SEPTIN6: variants seen among roughly 807,000 people sequenced by gnomAD.
SEPTIN6 encodes septin 6.
In SEPTIN6, 8 loss-of-function variants were observed where a neutral mutation model predicts 33.6. The ratio of observed to expected loss-of-function variants is 0.24; its 90% confidence interval spans 0.14 to 0.43. SEPTIN6 has a LOEUF of 0.43. Among genes scored for constraint, SEPTIN6 ranks in the 20% least tolerant of loss-of-function variants. SEPTIN6 has a pLI of 1.00. For missense variants in SEPTIN6, 250 were observed against 340.8 expected, an observed-to-expected ratio of 0.73 and a Z score of 2.10; for synonymous variants, 131 against 140.0, an observed-to-expected ratio of 0.94 and a Z score of 0.45.
At chrX:119,653,267 TTCTC>T (rs1469909704) in intron 3 of SEPTIN6, among the ~76,000 whole-genome samples, 1 of 111,280 alleles carries the variant, frequency 9.0e-6, no homozygotes, top group Non-Finnish European at 1.9e-5. Context: ...GAATGCCCCT[TTCTC>T]TCTCCTCATC....
chrX:119,689,620 G>A (rs763168383), intron 1 of SEPTIN6, among the ~76,000 whole-genome samples: 1 of 111,743 alleles, frequency 8.9e-6, no homozygotes, highest in East Asian at 2.8e-4. Flanking sequence ...GGGACTACAG[G>A]TGCCCGCCAC....
chrX:119,646,387 T>C (rs900352944), intron 5 of SEPTIN6, among the ~76,000 whole-genome samples: 1 of 112,114 alleles, frequency 8.9e-6, no homozygotes, highest in Non-Finnish European at 1.9e-5. Flanking sequence ...GGACAATTAA[T>C]GGAGCTCAGT....
At chrX:119,654,455 G>T (rs1030599951) in intron 3 of SEPTIN6, among the ~76,000 whole-genome samples, 5 of 111,424 alleles carry the variant, frequency 4.5e-5, no homozygotes, top group African/African-American at 6.5e-5. Context: ...CTTGTCATGT[G>T]GGCCCAGGGC....
intron 4 of SEPTIN6, among the ~76,000 whole-genome samples, chrX:119,651,036 G>A (rs948977897): frequency 1.8e-5 from 2 of 109,131 alleles, no homozygotes; most frequent in African/African-American, 6.7e-5. Flanking sequence ...GTGAGACAGA[G>A]CACACTAAGT....
intron 2 of SEPTIN6, among the ~76,000 whole-genome samples, chrX:119,668,865 G>C (rs909949859): frequency 9.0e-6 from 1 of 111,334 alleles, no homozygotes; most frequent in Non-Finnish European, 1.9e-5. Flanking sequence ...TGATTTGTGA[G>C]ATTTTGATGC....
At chrX:119,691,665 C>T (rs1199138455) in intron 1 of SEPTIN6, among the ~76,000 whole-genome samples, 1 of 112,105 alleles carries the variant, frequency 8.9e-6, no homozygotes, top group African/African-American at 3.2e-5. Flanking sequence ...ACAAAAGAGA[C>T]ATTAATACAT....
intron 6 of SEPTIN6, among the ~76,000 whole-genome samples, chrX:119,640,353 T>C (rs2054138538): frequency 9.0e-6 from 1 of 110,931 alleles, no homozygotes; most frequent in Non-Finnish European, 1.9e-5. Flanking sequence ...CTGAATTGTT[T>C]GTAATTATTT....
intron 3 of SEPTIN6, among the ~76,000 whole-genome samples, chrX:119,658,114 G>C (rs1303915399): frequency 7.1e-5 from 8 of 112,020 alleles, no homozygotes; most frequent in African/African-American, 1.6e-4. Context: ...GCAACAGTGC[G>C]AAAGTCCGTC....
At chrX:119,658,695 C>T (rs570104211) in intron 3 of SEPTIN6, among the ~76,000 whole-genome samples, 46 of 112,420 alleles carry the variant, frequency 4.1e-4, no homozygotes, top group African/African-American at 1.3e-3. Flanking sequence ...GGATATTATA[C>T]CATCCTTTTG....
In SEPTIN6 at chrX:119,655,026, C is replaced by T. The variant is rs780131567; in HGVS notation, c.342-1986G>A. Among the ~76,000 whole-genome samples the T allele has an allele frequency of 2.6e-3, 283 of 110,589 alleles. 1 individual carries two copies. The highest frequency in any genetic ancestry group is 8.8e-3 in the African/African-American group (267 of 30,385). ...ACTGCTTCATTTTTTTTCTCAATTA[C>T]GTAATTTTTTTTTACTTCATTTTTT... is the stretch of plus-strand genomic sequence containing the variant. On this transcript the variant is annotated intron_variant, in intron 3 of 10. Coordinates refer to ENST00000394610, the MANE Select transcript of SEPTIN6 (RefSeq NM_145799.4).
At chrX:119,688,413 T>A (rs962471022) in intron 1 of SEPTIN6, among the ~76,000 whole-genome samples, 2 of 111,487 alleles carry the variant, frequency 1.8e-5, no homozygotes, top group African/African-American at 6.5e-5. Flanking sequence ...CGCTTTTTAT[T>A]TTGAAAAATC....
chrX:119,629,221 G>C, intron 9 of SEPTIN6, 97 bp downstream of exon 9: 1 of 865,493 alleles, frequency 1.2e-6, no homozygotes, highest in South Asian at 2.3e-5. Context: ...CTCACCTCTG[G>C]TCACCAGTCC....
intron 1 of SEPTIN6, among the ~76,000 whole-genome samples, chrX:119,692,463 C>T (rs1287971816): frequency 1.8e-5 from 2 of 111,672 alleles, no homozygotes; most frequent in Non-Finnish European, 3.8e-5. Context: ...AGAACCCCGG[C>T]GCCGCCGCCG....
intron 1 of SEPTIN6, 28 bp downstream of exon 1, chrX:119,693,048 G>A: frequency 8.6e-7 from 1 of 1,169,102 alleles, no homozygotes; most frequent in East Asian, 3.2e-5. Flanking sequence ...CCTCGGCCCC[G>A]GCCCTGGCAC....
chrX:119,643,394 G>C (rs1403133220), intron 5 of SEPTIN6, among the ~76,000 whole-genome samples: 1 of 106,966 alleles, frequency 9.3e-6, no homozygotes. Flanking sequence ...CTCTGAGCTC[G>C]AGGAAAAAAA....
chrX:119,633,182 T>C (rs1403389479), intron 8 of SEPTIN6, among the ~76,000 whole-genome samples, 178 bp downstream of exon 8: 1 of 112,066 alleles, frequency 8.9e-6, no homozygotes, highest in African/African-American at 3.2e-5. Flanking sequence ...ATCTATAGGA[T>C]TGCTGGGTCG....
intron 1 of SEPTIN6, among the ~76,000 whole-genome samples, chrX:119,689,728 G>A (rs1046150473): frequency 9.4e-6 from 1 of 106,766 alleles, no homozygotes; most frequent in Non-Finnish European, 1.9e-5. Context: ...CACCCACCTC[G>A]GCCTCTTTTT....
At chrX:119,628,268 A>ACCGCGCCTG (rs1472108086) in intron 9 of SEPTIN6, among the ~76,000 whole-genome samples, 1 of 101,361 alleles carries the variant, frequency 9.9e-6, no homozygotes. Flanking sequence ...GACTACAGGC[A>ACCGCGCCTG]GCTAATTTCT....
chrX:119,619,725 C>T lies in SEPTIN6; in HGVS notation c.*368G>A. ...AAACTAACAGCAACCAGAACTGGAACAGGGGAGCTGGTGGGAAAGAGTAGC... is the reference window on the plus strand; with the variant it reads ...AAACTAACAGCAACCAGAACTGGAATAGGGGAGCTGGTGGGAAAGAGTAGC... On this transcript the variant is annotated 3_prime_UTR_variant, in exon 11 of 11. Transcript: ENST00000394610. 1 of 964,200 alleles carries T rather than the reference C, an allele frequency of 1.0e-6. No homozygotes were observed. Among genetic ancestry groups the T allele is most frequent in the South Asian group, 3.5e-5 (1 of 28,413 alleles). The allele number at this position is 964,200 out of a possible 1,213,427, so 79.5% of individuals were successfully genotyped here. A position where few individuals can be genotyped will look rare whatever the true frequency, so the allele number is the denominator to read the frequency against.
Sources: gnomAD v4.1 joint callset for allele counts (sites outside exome capture counted in the v4.1 genomes callset) on GRCh38, gnomAD v4.1.1 for gene constraint, MANE v1.5 for transcripts, NCBI Gene and HGNC (gene_info 2026-07-23, HGNC 2026-07-21) for gene names.